Variants in GRM5 observed in about 807,000 individuals in gnomAD.
GRM5 encodes metabotropic glutamate receptor 5.
Under a neutral mutation model 83.1 loss-of-function variants are expected in GRM5, and 19 were observed. The observed-to-expected ratio is 0.23, with a 90% confidence interval of 0.16 to 0.34. GRM5 has a LOEUF of 0.34. GRM5 is among the 10% of genes least tolerant of loss of function. The pLI is 1.00. For synonymous variants in GRM5, 675 were observed against 633.6 expected (o/e 1.07, Z -0.98); for missense variants, 1,160 against 1,588.3 (o/e 0.73, Z 4.58).
At chr11:88,974,544 A>C (rs1939271981) in intron 2 of GRM5, among the ~76,000 whole-genome samples, 1 of 152,174 alleles carries the variant, frequency 6.6e-6, no homozygotes, top group Non-Finnish European at 1.5e-5. Context: ...TTATATTCCA[A>C]GTTTATATTA....
chr11:88,643,861 G>T (rs555267101), intron 4 of GRM5, among the ~76,000 whole-genome samples: 2 of 152,234 alleles, frequency 1.3e-5, no homozygotes, highest in South Asian at 4.1e-4. Context: ...GGGCATAAAA[G>T]ATGGCAGAAG....
chr11:88,715,934 C>G (rs1941390467), intron 3 of GRM5, among the ~76,000 whole-genome samples: 2 of 151,800 alleles, frequency 1.3e-5, no homozygotes, highest in South Asian at 4.2e-4. Context: ...TATCAAGAGC[C>G]CCAGATCATT....
At chr11:88,590,995 C>T (rs1260821449) in intron 6 of GRM5, among the ~76,000 whole-genome samples, 1 of 151,998 alleles carries the variant, frequency 6.6e-6, no homozygotes, top group African/African-American at 2.4e-5. Flanking sequence ...CCTTGGAAAC[C>T]TGTATTTAAT....
intron 1 of GRM5, among the ~76,000 whole-genome samples, chr11:89,057,682 A>T (rs1941906750): frequency 6.6e-6 from 1 of 152,170 alleles, no homozygotes; most frequent in African/African-American, 2.4e-5. Context: ...TTAGACTTTT[A>T]CACATCCTGT....
intron 3 of GRM5, among the ~76,000 whole-genome samples, chr11:88,801,271 T>C (rs1943388447): frequency 6.6e-6 from 1 of 152,140 alleles, no homozygotes; most frequent in East Asian, 1.9e-4. Flanking sequence ...TGTTCCTATA[T>C]GTCTCCAGAT....
chr11:88,705,335 A>G (rs915679474), intron 3 of GRM5, among the ~76,000 whole-genome samples: 1 of 152,054 alleles, frequency 6.6e-6, no homozygotes, highest in Non-Finnish European at 1.5e-5. Flanking sequence ...TCTCCCCAAG[A>G]GATTTTAATG....
intron 3 of GRM5, among the ~76,000 whole-genome samples, chr11:88,738,859 C>T (rs899038637): frequency 6.6e-6 from 1 of 152,058 alleles, no homozygotes; most frequent in African/African-American, 2.4e-5. Flanking sequence ...TGCTCCAGTC[C>T]TGAACCTTTC....
intron 8 of GRM5, among the ~76,000 whole-genome samples, chr11:88,559,777 T>G (rs1835290272): frequency 6.6e-6 from 1 of 152,174 alleles, no homozygotes; most frequent in African/African-American, 2.4e-5. Context: ...TTTAATAAGT[T>G]CATGGTATAG....
At chr11:88,930,139 G>T (rs1210427305) in intron 2 of GRM5, among the ~76,000 whole-genome samples, 2 of 152,042 alleles carry the variant, frequency 1.3e-5, no homozygotes, top group African/African-American at 4.8e-5. Flanking sequence ...TTTGTGCTGG[G>T]TGCAGTGACC....
At chr11:88,920,666 A>G (rs1275535103) in intron 2 of GRM5, among the ~76,000 whole-genome samples, 2 of 152,206 alleles carry the variant, frequency 1.3e-5, no homozygotes, top group East Asian at 3.9e-4. Context: ...ATAAACATAG[A>G]GGCAAAAATC....
chr11:88,715,819 C>T (rs765471681), intron 3 of GRM5, among the ~76,000 whole-genome samples: 2 of 151,918 alleles, frequency 1.3e-5, no homozygotes, highest in Non-Finnish European at 2.9e-5. Flanking sequence ...AAAGAAGAAT[C>T]CAATCAGTGC....
intron 2 of GRM5, among the ~76,000 whole-genome samples, chr11:89,005,702 T>A (rs1940504413): frequency 6.6e-6 from 1 of 152,208 alleles, no homozygotes; most frequent in Non-Finnish European, 1.5e-5. Context: ...AGGTGATCAG[T>A]AAGGTATTAC....
chr11:88,784,247 C>T (rs1409946321), intron 3 of GRM5, among the ~76,000 whole-genome samples: 2 of 151,986 alleles, frequency 1.3e-5, no homozygotes, highest in African/African-American at 2.4e-5. Context: ...TGCAATGTGA[C>T]CTAATTATAT....
At chr11:88,566,584 ACT>A (rs1942880281) in intron 8 of GRM5, among the ~76,000 whole-genome samples, 1 of 152,044 alleles carries the variant, frequency 6.6e-6, no homozygotes, top group Non-Finnish European at 1.5e-5. Flanking sequence ...GCATTTAAGC[ACT>A]CTTCTGGCTT....
chr11:88,998,967 G>T (rs1940281448), intron 2 of GRM5, among the ~76,000 whole-genome samples: 1 of 151,994 alleles, frequency 6.6e-6, no homozygotes, highest in Non-Finnish European at 1.5e-5. Flanking sequence ...TGACAAACCT[G>T]ACAAAAACAA....
At chr11:89,010,596 T>C (rs1940666425) in intron 2 of GRM5, among the ~76,000 whole-genome samples, 1 of 151,946 alleles carries the variant, frequency 6.6e-6, no homozygotes, top group South Asian at 2.1e-4. Context: ...TTGTGAAAAT[T>C]TCATGTTTAT....
rs1942896581 is a variant in GRM5, at chr11:88,567,262, G to A, written c.2421C>T (p.Ser807=). Residue 807 remains serine (S), a synonymous_variant, in exon 8 of 10, where the codon AGC becomes AGT. Transcript: ENST00000305447. This position sits in a 1 kb window ranked among gnomAD's most constrained non-coding sequence, Gnocchi z 7.3. The part of the protein sequence containing the change: ...YKIITMCFSV[S]LSATVALGCM... Reference sequence around the variant, plus strand: ...AGCCTAGGGCCACTGTGGCACTGAGGCTGACCGAGAAACACATGGTGATGA... The same window carrying A: ...AGCCTAGGGCCACTGTGGCACTGAGACTGACCGAGAAACACATGGTGATGA... 6 of 1,613,864 alleles carry A rather than the reference G, an allele frequency of 3.7e-6. No homozygotes were observed. The highest frequency in any genetic ancestry group is 5.1e-6 in the Non-Finnish European group (6 of 1,179,890).
At chr11:88,951,344 A>C (rs1479210703) in intron 2 of GRM5, among the ~76,000 whole-genome samples, 1 of 152,324 alleles carries the variant, frequency 6.6e-6, no homozygotes, top group South Asian at 2.1e-4. Flanking sequence ...GATATTGACA[A>C]ATTAGATTTT....
intron 3 of GRM5, among the ~76,000 whole-genome samples, chr11:88,794,447 T>C (rs1305793128): frequency 6.6e-6 from 1 of 152,188 alleles, no homozygotes; most frequent in Non-Finnish European, 1.5e-5. Context: ...AAAATTGGGT[T>C]ACAGTCAGAC....
Sources: allele counts gnomAD v4.1 joint callset (sites outside exome capture counted in the v4.1 genomes callset), GRCh38; gene constraint gnomAD v4.1.1; non-coding constraint Gnocchi (gnomAD v3.1); transcripts MANE v1.5; gene names NCBI Gene and HGNC (gene_info 2026-07-23, HGNC 2026-07-21).